The following SULT1B1 variants were observed in gnomAD, a reference collection of about 807,000 sequenced individuals.
The protein encoded by SULT1B1 is sulfotransferase family 1B member 1.
A neutral mutation model predicts 34.6 loss-of-function variants in SULT1B1; 28 were observed. The observed-to-expected ratio is 0.81, with a 90% CI of 0.60 to 1.11. The LOEUF (loss-of-function observed/expected upper bound fraction) is 1.11, where lower values mean the gene tolerates loss of function less well. Among genes scored for constraint, SULT1B1 ranks in the 50% least tolerant of loss-of-function variants. The pLI, the probability that SULT1B1 is intolerant of heterozygous loss-of-function variation, is 0.00. For synonymous variants in SULT1B1, 147 were observed against 110.2 expected (o/e 1.33, Z -2.09); for missense variants, 374 against 352.2 (o/e 1.06, Z -0.50).
rs1264804684 is a variant in SULT1B1 at position 69,724,733 on chromosome 4, T to G, written c.*2355A>C. 1.3e-5 allele frequency: 2 copies of G among 152,230 alleles called. No homozygotes were observed. Among genetic ancestry groups the G allele is most frequent in the African/African-American group, 4.8e-5 (2 of 41,442 alleles). 9.4% of individuals were successfully genotyped at this position (152,230 alleles called of 1,614,324 possible). Reference sequence around the variant, plus strand: ...ATAATACTACACATCTACAATTATCTGATCTTTGACAAACCTGACGAAAAC... The same window carrying G: ...ATAATACTACACATCTACAATTATCGGATCTTTGACAAACCTGACGAAAAC... On this transcript the variant is annotated 3_prime_UTR_variant, in exon 8 of 8. Coordinates refer to ENST00000310613, the MANE Select transcript of SULT1B1 (RefSeq NM_014465.4).
In SULT1B1 at chr4:69,726,030, GTACATA is replaced by G. The variant is rs1326491023; in HGVS notation, c.*1052_*1057del. On this transcript the variant is annotated 3_prime_UTR_variant, in exon 8 of 8. Transcript: ENST00000310613. The stretch of plus-strand genomic sequence containing the variant: ...GGAACTTAAAGTATAATAATAAAAT[GTACATA>G]TATATATATATATATATATATATAT... 12 of 42,066 alleles carry G rather than the reference GTACATA, an allele frequency of 2.9e-4. No individual in the cohort carries two copies. Among genetic ancestry groups the G allele is most frequent in the Non-Finnish European group, 1.5e-4 (3 of 20,284 alleles). The allele number at this position is 42,066 out of a possible 1,614,324, so 2.6% of individuals were successfully genotyped here.
chr4:69,752,560 A>G (rs1719020291), intron 3 of SULT1B1, among the ~76,000 whole-genome samples: 1 of 152,238 alleles, frequency 6.6e-6, no homozygotes, highest in African/African-American at 2.4e-5. Flanking sequence ...GCTGAACTTA[A>G]TGGCTTAGGA....
intron 3 of SULT1B1, among the ~76,000 whole-genome samples, chr4:69,752,909 T>C (rs958710988): frequency 6.6e-6 from 1 of 152,216 alleles, no homozygotes; most frequent in Non-Finnish European, 1.5e-5. Flanking sequence ...CACCATACTC[T>C]TGCATTCCCT....
At chr4:69,754,039 C>T (rs997070675) in intron 3 of SULT1B1, among the ~76,000 whole-genome samples, 1 of 152,172 alleles carries the variant, frequency 6.6e-6, no homozygotes, top group Admixed American at 6.6e-5. Context: ...CTCAATTAAA[C>T]TCATTTAATT....
intron 4 of SULT1B1, among the ~76,000 whole-genome samples, chr4:69,740,219 C>A (rs1158489421): frequency 6.6e-6 from 1 of 152,152 alleles, no homozygotes; most frequent in African/African-American, 2.4e-5. Flanking sequence ...TGTATTAGTT[C>A]ATTCTCACAC....
intron 1 of SULT1B1, among the ~76,000 whole-genome samples, chr4:69,756,070 T>C (rs1323392117): frequency 1.3e-5 from 2 of 152,216 alleles, no homozygotes. Flanking sequence ...CTGTCTTTAC[T>C]CCTATCCAGT....
chr4:69,733,345 C>CA (rs1411914674), intron 6 of SULT1B1, 68 bp downstream of exon 6: 1 of 1,151,988 alleles, frequency 8.7e-7, no homozygotes, highest in Non-Finnish European at 1.2e-6. Flanking sequence ...AGTTGGAAAG[C>CA]AAATATCAAC....
intron 4 of SULT1B1, among the ~76,000 whole-genome samples, chr4:69,741,127 T>C (rs2110023539): frequency 6.6e-6 from 1 of 152,364 alleles, no homozygotes; most frequent in Non-Finnish European, 1.5e-5. Flanking sequence ...CACAGCATCA[T>C]TGATTGAATA....
chr4:69,757,590 A>C (rs1719239875), intron 1 of SULT1B1, among the ~76,000 whole-genome samples: 1 of 152,112 alleles, frequency 6.6e-6, no homozygotes, highest in Non-Finnish European at 1.5e-5. Context: ...CCATCTACAC[A>C]CACACACACA....
chr4:69,727,788 T>A (rs1717893357), intron 7 of SULT1B1, among the ~76,000 whole-genome samples: 1 of 151,984 alleles, frequency 6.6e-6, no homozygotes, highest in Admixed American at 6.6e-5. Flanking sequence ...ATATATAACA[T>A]CCTGGAACCA....
chr4:69,759,804 T>C (rs567872335), intron 1 of SULT1B1, among the ~76,000 whole-genome samples: 3 of 152,228 alleles, frequency 2.0e-5, no homozygotes, highest in Admixed American at 6.5e-5. Context: ...AAATTATACA[T>C]GGGATCTCAA....
intron 4 of SULT1B1, among the ~76,000 whole-genome samples, chr4:69,740,317 G>T (rs575000830): frequency 6.6e-6 from 1 of 152,168 alleles, no homozygotes; most frequent in Non-Finnish European, 1.5e-5. Context: ...CAAGGCCCCA[G>T]GAAACTTACA....
At chr4:69,760,355 T>C (rs988826563) in intron 1 of SULT1B1, 104 bp downstream of exon 1, 1 of 261,680 alleles carries the variant, frequency 3.8e-6, no homozygotes, top group African/African-American at 2.3e-5. Flanking sequence ...CAAAAGACTT[T>C]CTAATTATAA....
intron 1 of SULT1B1, 127 bp from the exon 2 acceptor site, chr4:69,755,388 G>A (rs1170454627): frequency 3.1e-6 from 2 of 654,802 alleles, no homozygotes; most frequent in South Asian, 2.3e-5. Flanking sequence ...AGTACAAAGG[G>A]CATATTTTGT....
intron 4 of SULT1B1, among the ~76,000 whole-genome samples, chr4:69,735,507 A>G (rs1718267180): frequency 6.6e-6 from 1 of 152,210 alleles, no homozygotes; most frequent in Non-Finnish European, 1.5e-5. Context: ...ACGGGGCTTT[A>G]TAAGCAGTCC....
chr4:69,721,453 T>C lies in SULT1B1; in HGVS notation c.*5635A>G, dbSNP rs931397755. 3.3e-5 allele frequency: 5 copies of C among 152,086 alleles called. No homozygotes were observed. Among genetic ancestry groups the C allele is most frequent in the African/African-American group, 1.2e-4 (5 of 41,458 alleles). 9.4% of individuals were successfully genotyped at this position (152,086 alleles called of 1,614,324 possible). Reference sequence around the variant, plus strand: ...TCCCATATATCATTAATATCAAGCATTTTGAAGAAATTATAGTATCTTTTT... The same window carrying C: ...TCCCATATATCATTAATATCAAGCACTTTGAAGAAATTATAGTATCTTTTT... On this transcript the variant is annotated 3_prime_UTR_variant, in exon 8 of 8. Coordinates refer to ENST00000310613, the MANE Select transcript of SULT1B1 (RefSeq NM_014465.4).
intron 4 of SULT1B1, among the ~76,000 whole-genome samples, chr4:69,741,579 C>G (rs1578056645): frequency 6.6e-6 from 1 of 152,080 alleles, no homozygotes; most frequent in Non-Finnish European, 1.5e-5. Context: ...TTTTGTAATT[C>G]TCATTGTAGA....
intron 3 of SULT1B1, among the ~76,000 whole-genome samples, chr4:69,751,781 C>T (rs540637441): frequency 1.3e-5 from 2 of 152,316 alleles, no homozygotes; most frequent in African/African-American, 4.8e-5. Flanking sequence ...GCAGTTTACC[C>T]TCATCTACCT....
chr4:69,722,282 T>C lies in SULT1B1; in HGVS notation c.*4806A>G, dbSNP rs1377851009. ...TTCTACAAAGTAAAACTAGAAAATG[T>C]GGAAATTATTTTATCTTGCTAGTGA... On this transcript the variant is annotated 3_prime_UTR_variant, in exon 8 of 8. Coordinates refer to ENST00000310613, the MANE Select transcript of SULT1B1 (RefSeq NM_014465.4). 6.6e-6 allele frequency: 1 copy of C among 152,084 alleles called. No individual in the cohort carries two copies. The highest frequency in any genetic ancestry group is 6.6e-5 in the Admixed American group (1 of 15,238). 9.4% of individuals were successfully genotyped at this position (152,084 alleles called of 1,614,324 possible). A position where few individuals can be genotyped will look rare whatever the true frequency, so the allele number is the denominator to read the frequency against.
Sources: gnomAD v4.1 joint callset for allele counts (sites outside exome capture counted in the v4.1 genomes callset) on GRCh38, gnomAD v4.1.1 for gene constraint, MANE v1.5 for transcripts, NCBI Gene and HGNC (gene_info 2026-07-23, HGNC 2026-07-21) for gene names.